The following KIF24 variants were observed in gnomAD, a reference collection of about 807,000 sequenced individuals.
The protein encoded by KIF24 is kinesin family member 24, also known as kinesin-like protein KIF24.
A neutral mutation model predicts 118.9 loss-of-function variants in KIF24; 81 were observed. That is an observed-to-expected ratio of 0.68 (90% CI 0.57 to 0.82). The LOEUF (loss-of-function observed/expected upper bound fraction) is 0.82, where lower values mean the gene tolerates loss of function less well. KIF24 is among the 40% of genes least tolerant of loss of function. The probability of loss-of-function intolerance (pLI) is 0.00; values close to 1 mark genes in which losing one functional copy is unlikely to be tolerated. For synonymous variants in KIF24, 599 were observed against 610.0 expected, an observed-to-expected ratio of 0.98 and a Z score of 0.27; for missense variants, 1,560 against 1,661.6, an observed-to-expected ratio of 0.94 and a Z score of 1.06.
intron 4 of KIF24, among the ~76,000 whole-genome samples, chr9:34,296,732 T>A (rs374374219): frequency 6.5e-5 from 3 of 46,190 alleles, no homozygotes; most frequent in Non-Finnish European, 3.3e-4. Context: ...TTAATTTTTC[T>A]TTTTTTTTTA....
intron 3 of KIF24, among the ~76,000 whole-genome samples, chr9:34,298,444 G>T (rs71521231): frequency 0.042 from 6,327 of 151,990 alleles, 171 homozygotes; most frequent in Middle Eastern, 0.075. Context: ...TACTTGGGAG[G>T]CTAAGGCAGG....
chr9:34,264,222 G>C (rs1256329946), intron 8 of KIF24, among the ~76,000 whole-genome samples: 2 of 151,166 alleles, frequency 1.3e-5, no homozygotes, highest in Admixed American at 6.6e-5. Flanking sequence ...AGGAGATCGA[G>C]ACCAGCTTGG....
chr9:34,286,756 G>T, intron 5 of KIF24, 52 bp from the exon 6 acceptor site: 2 of 1,233,272 alleles, frequency 1.6e-6, no homozygotes, highest in Admixed American at 1.7e-5. Context: ...AACAGACTTT[G>T]TTCTTGCCTC....
intron 5 of KIF24, among the ~76,000 whole-genome samples, chr9:34,288,165 A>G (rs1307588451): frequency 6.6e-6 from 1 of 151,872 alleles, no homozygotes; most frequent in African/African-American, 2.4e-5. Flanking sequence ...CCCTTGTCAA[A>G]GCCCCACTAT....
chr9:34,254,236 G>A lies in KIF24; in HGVS notation c.*144C>T. On this transcript the variant is annotated 3_prime_UTR_variant, in exon 13 of 13. Coordinates refer to ENST00000402558, the MANE Select transcript of KIF24 (RefSeq NM_194313.4). Reference sequence around the variant, plus strand: ...GAAGCTGGGACCTATCTGAAGCCACGTGGGGCTGGGGTGACGCTAGCATAG... The same window carrying A: ...GAAGCTGGGACCTATCTGAAGCCACATGGGGCTGGGGTGACGCTAGCATAG... The A allele has an allele frequency of 3.4e-6, 3 of 874,566 alleles. No homozygotes were observed. Among genetic ancestry groups the A allele is most frequent in the African/African-American group, 1.7e-5 (1 of 57,888 alleles). 54.2% of individuals were successfully genotyped at this position (874,566 alleles called of 1,614,324 possible).
At chr9:34,299,510 C>T (rs1257439542) in intron 3 of KIF24, among the ~76,000 whole-genome samples, 2 of 151,142 alleles carry the variant, frequency 1.3e-5, no homozygotes, top group Admixed American at 6.6e-5. Flanking sequence ...TTTGCACCAC[C>T]GCATTCTAGC....
chr9:34,305,687 C>T (rs539154578), intron 3 of KIF24, among the ~76,000 whole-genome samples: 134 of 152,258 alleles, frequency 8.8e-4, no homozygotes, highest in African/African-American at 3.0e-3. Context: ...CACTGTAATG[C>T]AGAACTCCTG....
chr9:34,309,978 T>A (rs1412929081), intron 2 of KIF24, among the ~76,000 whole-genome samples: 1 of 152,008 alleles, frequency 6.6e-6, no homozygotes, highest in Non-Finnish European at 1.5e-5. Flanking sequence ...ACTTTTTTTT[T>A]TTTTTTACAA....
chr9:34,285,725 A>G (rs1836018955), intron 6 of KIF24, among the ~76,000 whole-genome samples: 1 of 149,186 alleles, frequency 6.7e-6, no homozygotes, highest in Non-Finnish European at 1.5e-5. Context: ...CAATGAGCAG[A>G]GATTGCGCCA....
chr9:34,310,973 G>A lies in KIF24; in HGVS notation c.374C>T (p.Ser125Phe). 1 of 1,613,976 alleles carries A rather than the reference G, an allele frequency of 6.2e-7. No homozygotes were observed. The highest frequency in any genetic ancestry group is 2.2e-5 in the East Asian group (1 of 44,882). The change falls in exon 2 of 13, where the codon TCT becomes TTT. Residue 125 changes from serine to phenylalanine, a missense_variant. Ser to Phe is a radical substitution (Grantham distance 155). Coordinates refer to ENST00000402558, the MANE Select transcript of KIF24 (RefSeq NM_194313.4). ...GFEMCSLSDF[S>F]ANEQKSTYLK... Reference sequence around the variant, plus strand: ...GTAAGTGGACTTCTGTTCATTTGCAGAGAAATCTGATAAACTGCACATTTC... The same window carrying A: ...GTAAGTGGACTTCTGTTCATTTGCAAAGAAATCTGATAAACTGCACATTTC...
At chr9:34,311,771 T>TATATACAC (rs1837176560) in intron 1 of KIF24, among the ~76,000 whole-genome samples, 1 of 149,206 alleles carries the variant, frequency 6.7e-6, no homozygotes, top group Non-Finnish European at 1.5e-5. Flanking sequence ...TATATACATA[T>TATATACAC]ATATACACAT....
At chr9:34,276,012 G>A (rs1362426004) in intron 6 of KIF24, among the ~76,000 whole-genome samples, 1 of 152,198 alleles carries the variant, frequency 6.6e-6, no homozygotes, top group Non-Finnish European at 1.5e-5. Flanking sequence ...GTGTGGCAGA[G>A]CCAAATTCCA....
intron 1 of KIF24, among the ~76,000 whole-genome samples, 99 bp downstream of exon 1, chr9:34,329,006 TC>T (rs1837781541): frequency 6.6e-6 from 1 of 152,298 alleles, no homozygotes; most frequent in African/African-American, 2.4e-5. Flanking sequence ...GCCAGTTTCC[TC>T]CCGCGCTCAG....
At chr9:34,330,268 C>A (rs1380146894), upstream of KIF24, among the ~76,000 whole-genome samples, 1 of 152,064 alleles carries the variant, frequency 6.6e-6, no homozygotes, top group South Asian at 2.1e-4. Context: ...AGCCAGGCGT[C>A]GTGGCGGGCA....
chr9:34,316,799 C>T (rs747579204), intron 1 of KIF24, among the ~76,000 whole-genome samples: 34 of 152,184 alleles, frequency 2.2e-4, no homozygotes, highest in South Asian at 2.1e-4. Context: ...TGGCTGGGCG[C>T]GGTGGCTCAT....
chr9:34,331,289 G>T (rs1257421835), upstream of KIF24, among the ~76,000 whole-genome samples: 1 of 151,998 alleles, frequency 6.6e-6, no homozygotes, highest in African/African-American at 2.4e-5. Flanking sequence ...ATGACACACG[G>T]GTAACAGTAA....
intron 2 of KIF24, among the ~76,000 whole-genome samples, 158 bp from the exon 3 acceptor site, chr9:34,306,599 A>G (rs1044425589): frequency 2.0e-5 from 3 of 152,108 alleles, no homozygotes; most frequent in African/African-American, 4.8e-5. Context: ...TCAGGAGATC[A>G]AGACCATCCT....
intron 6 of KIF24, among the ~76,000 whole-genome samples, chr9:34,283,039 C>T (rs1040374353): frequency 8.7e-5 from 7 of 80,408 alleles, no homozygotes. Flanking sequence ...GCGACAAGAG[C>T]AAAACTCCGT....
intron 3 of KIF24, among the ~76,000 whole-genome samples, chr9:34,302,980 T>G (rs886453490): frequency 1.3e-4 from 20 of 150,814 alleles, no homozygotes; most frequent in African/African-American, 4.6e-4. Flanking sequence ...TTCACCGTGT[T>G]AGCCAGGATG....
Sources: gnomAD v4.1 joint callset for allele counts (sites outside exome capture counted in the v4.1 genomes callset) on GRCh38, gnomAD v4.1.1 for gene constraint, MANE v1.5 for transcripts, NCBI Gene and HGNC (gene_info 2026-07-23, HGNC 2026-07-21) for gene names.